The following SULF2 variants were observed in gnomAD, a reference collection of about 807,000 sequenced individuals.
SULF2 encodes sulfatase 2.
Under a neutral mutation model 107.7 loss-of-function variants are expected in SULF2, and 52 were observed. The observed-to-expected ratio is 0.48, with a 90% confidence interval of 0.39 to 0.61. SULF2 has a LOEUF of 0.61. Among genes scored for constraint, SULF2 ranks in the 20% least tolerant of loss-of-function variants. SULF2 has a pLI of 0.00. For missense variants in SULF2, 993 were observed against 1,177.3 expected, an observed-to-expected ratio of 0.84 and a Z score of 2.29; for synonymous variants, 460 against 464.3, an observed-to-expected ratio of 0.99 and a Z score of 0.12.
intron 3 of SULF2, among the ~76,000 whole-genome samples, chr20:47,722,923 C>T (rs36003633): frequency 0.31 from 46,363 of 151,974 alleles, 7,810 homozygotes; most frequent in Non-Finnish European, 0.4. Context: ...AAAAATTAGC[C>T]GGTTGTGGTG....
chr20:47,764,748 G>T (rs1379648112), intron 1 of SULF2, among the ~76,000 whole-genome samples: 7 of 152,186 alleles, frequency 4.6e-5, no homozygotes, highest in Admixed American at 4.6e-4. Context: ...GCCCTTTGCT[G>T]CTTAAGAGAG....
At chr20:47,733,712 G>A (rs192596418) in intron 3 of SULF2, among the ~76,000 whole-genome samples, 11 of 152,352 alleles carry the variant, frequency 7.2e-5, no homozygotes, top group African/African-American at 2.4e-4. Context: ...GGCAGAGGTT[G>A]TAGTGAGCTG....
At position 47,756,997 on chromosome 20, in the gene SULF2, A is replaced by C. The variant is rs567519294; in HGVS notation, c.175+192T>G. On this transcript the variant is annotated intron_variant, in intron 2 of 20. Coordinates refer to ENST00000688720, the MANE Select transcript of SULF2 (RefSeq NM_001387048.1). ...CCAGGAACGGTTGTGCAACTGGAGA[A>C]GGGTAGAGACCCCTAACCTTGAGGA... Among the ~76,000 whole-genome samples the C allele has an allele frequency of 5.2e-3, 798 of 152,344 alleles. 7 individuals are homozygous for C. Among genetic ancestry groups the C allele is most frequent in the African/African-American group, 0.017 (715 of 41,582 alleles).
At chr20:47,778,436 G>A (rs1299741004) in intron 1 of SULF2, among the ~76,000 whole-genome samples, 14 of 152,246 alleles carry the variant, frequency 9.2e-5, no homozygotes, top group Admixed American at 9.2e-4. Flanking sequence ...GTAAGATGAC[G>A]CTCCATGGCA....
In SULF2 at chr20:47,672,307, G is replaced by A. The variant is rs1237395998; in HGVS notation, c.1467C>T (p.Leu489=). 6.2e-7 allele frequency: 1 copy of A among 1,613,422 alleles called. No individual in the cohort carries two copies. The highest frequency in any genetic ancestry group is 1.1e-5 in the South Asian group (1 of 91,080). Reference sequence around the variant, plus strand: ...CGTAGTACTTGGGCACGAGGTTGGAGAGGGCTCTGCTGCCGCCCAGCCGCA... The same window carrying A: ...CGTAGTACTTGGGCACGAGGTTGGAAAGGGCTCTGCTGCCGCCCAGCCGCA... The part of the protein sequence containing the change: ...GPMRLGGSRA[L]SNLVPKYYGQ... Residue 489 remains leucine (L), a synonymous_variant, in exon 11 of 21, where the codon CTC becomes CTT. Coordinates refer to ENST00000688720, the MANE Select transcript of SULF2 (RefSeq NM_001387048.1).
At chr20:47,662,081 G>A (rs2087095744) in intron 17 of SULF2, among the ~76,000 whole-genome samples, 185 bp from the exon 18 acceptor site, 1 of 152,172 alleles carries the variant, frequency 6.6e-6, no homozygotes. Context: ...TTGGCTTCAA[G>A]TCCCACCAGG....
intron 1 of SULF2, among the ~76,000 whole-genome samples, chr20:47,781,612 C>G (rs1394092499): frequency 6.6e-6 from 1 of 152,136 alleles, no homozygotes; most frequent in East Asian, 1.9e-4. Context: ...GTCCTGACAC[C>G]TAAGTTATGG....
At position 47,785,445 on chromosome 20, in the gene SULF2, T is replaced by TGCCGCC. The variant is rs2090911245; in HGVS notation, c.-204_-203insGGCGGC. On this transcript the variant is annotated 5_prime_UTR_variant, in exon 1 of 21. Transcript: ENST00000688720. ...GGCGCAGGGGACTCCGCGCCGCCGC[T>TGCCGCC]GCCGCTGCCGCCGCCGCCGCCGCCG... The TGCCGCC allele has an allele frequency of 6.8e-6, 1 of 147,502 alleles. No homozygotes were observed. The highest frequency in any genetic ancestry group is 1.8e-4 in the South Asian group (1 of 5,498). 9.1% of individuals were successfully genotyped at this position (147,502 alleles called of 1,614,324 possible).
chr20:47,725,766 T>C (rs2089423896), intron 3 of SULF2, among the ~76,000 whole-genome samples: 1 of 152,180 alleles, frequency 6.6e-6, no homozygotes, highest in African/African-American at 2.4e-5. Context: ...CAGCCCTCTA[T>C]GCATTTGGAG....
chr20:47,732,483 C>T (rs887949247), intron 3 of SULF2, among the ~76,000 whole-genome samples: 5 of 152,216 alleles, frequency 3.3e-5, no homozygotes, highest in Admixed American at 3.3e-4. Context: ...TAAGTGATCA[C>T]AGGCAGGGCA....
intron 3 of SULF2, among the ~76,000 whole-genome samples, chr20:47,726,246 C>G (rs983901617): frequency 6.6e-6 from 1 of 152,190 alleles, no homozygotes; most frequent in Non-Finnish European, 1.5e-5. Flanking sequence ...CACTCTGTTG[C>G]CCAGGCCGAA....
intron 3 of SULF2, among the ~76,000 whole-genome samples, chr20:47,727,273 A>G (rs991326993): frequency 3.3e-5 from 5 of 152,108 alleles, no homozygotes; most frequent in African/African-American, 1.2e-4. Context: ...TGATTCAGAG[A>G]GGAGCAGGCC....
chr20:47,689,275 G>A (rs1173924234), intron 5 of SULF2, among the ~76,000 whole-genome samples: 1 of 152,218 alleles, frequency 6.6e-6, no homozygotes, highest in Non-Finnish European at 1.5e-5. Flanking sequence ...CATTGTAGAA[G>A]GACCGGTCTG....
intron 5 of SULF2, chr20:47,686,440 C>A (rs1318787099): frequency 6.6e-6 from 1 of 152,246 alleles, no homozygotes; most frequent in Non-Finnish European, 1.5e-5. Flanking sequence ...TAAGGCCTCA[C>A]AAAACGTGGG....
At chr20:47,659,356 G>A (rs778606735) in intron 20 of SULF2, 43 bp downstream of exon 20, 2 of 1,585,068 alleles carry the variant, frequency 1.3e-6, no homozygotes, top group South Asian at 2.2e-5. Context: ...AAATGAAGCG[G>A]TCAGAACCAG....
chr20:47,709,676 T>G (rs891470265), intron 3 of SULF2, among the ~76,000 whole-genome samples: 1 of 152,168 alleles, frequency 6.6e-6, no homozygotes, highest in African/African-American at 2.4e-5. Flanking sequence ...AGAGAAGGTC[T>G]TCTTCCTCAA....
chr20:47,731,458 G>C (rs2146758815), intron 3 of SULF2, among the ~76,000 whole-genome samples: 1 of 152,152 alleles, frequency 6.6e-6, no homozygotes, highest in South Asian at 2.1e-4. Context: ...CTCCCAAAGT[G>C]CTGGGATCAC....
intron 1 of SULF2, among the ~76,000 whole-genome samples, chr20:47,778,892 T>A (rs2090771961): frequency 2.6e-5 from 4 of 152,174 alleles, no homozygotes; most frequent in Non-Finnish European, 5.9e-5. Flanking sequence ...TGGATAATTG[T>A]GTCCAGTCCC....
intron 1 of SULF2, among the ~76,000 whole-genome samples, chr20:47,782,556 C>T (rs1418649906): frequency 1.3e-5 from 2 of 152,184 alleles, no homozygotes; most frequent in Non-Finnish European, 2.9e-5. Context: ...GGCACCACCC[C>T]CAGGGCCAGG....
Sources: allele counts gnomAD v4.1 joint callset (sites outside exome capture counted in the v4.1 genomes callset), GRCh38; gene constraint gnomAD v4.1.1; transcripts MANE v1.5; gene names NCBI Gene and HGNC (gene_info 2026-07-23, HGNC 2026-07-21).